Variants in DYNC1I1 observed in about 807,000 individuals in gnomAD.
DYNC1I1 encodes the protein dynein cytoplasmic 1 intermediate chain 1, also known as cytoplasmic dynein 1 intermediate chain 1.
Under a neutral mutation model 86.6 loss-of-function variants are expected in DYNC1I1, and 43 were observed. That is an observed-to-expected ratio of 0.50 (90% CI 0.39 to 0.64). The LOEUF (loss-of-function observed/expected upper bound fraction) is 0.64, where lower values mean the gene tolerates loss of function less well. Ranked by LOEUF, DYNC1I1 falls within the 30% of genes least tolerant of loss-of-function variation. The pLI is 0.00. For missense variants in DYNC1I1, 604 were observed against 788.8 expected (o/e 0.77, Z 2.81); for synonymous variants, 262 against 283.7 (o/e 0.92, Z 0.77).
In DYNC1I1 at chr7:95,861,617, ATT is replaced by A. The variant is rs10717478; in HGVS notation, c.375-8255_375-8254del. ...GAAGTAGTACAGCTCTCTTTTTGCA[ATT>A]TTTTTTTTTTACTTTTCTTAAATAT... is the stretch of plus-strand genomic sequence containing the variant. On this transcript the variant is annotated intron_variant, in intron 5 of 16. Transcript: ENST00000447467. Among the ~76,000 whole-genome samples the A allele has an allele frequency of 5.5e-3, 823 of 150,598 alleles. 2 individuals carry two copies. Among genetic ancestry groups the A allele is most frequent in the African/African-American group, 0.014 (560 of 41,044 alleles).
intron 6 of DYNC1I1, among the ~76,000 whole-genome samples, chr7:95,872,329 G>A (rs1790194935): frequency 6.6e-6 from 1 of 152,146 alleles, no homozygotes; most frequent in Admixed American, 6.5e-5. Context: ...ATCCACTTTG[G>A]CTTGCTGTTG....
Position 95,813,309 on chromosome 7 carries a change from G to C in DYNC1I1, c.286G>C (p.Asp96His). ...CACTCCCAGTGAAGCTGGAAGCCAA[G>C]ACTCAGGCGATCTGGGGCCATTAAC... is the stretch of plus-strand genomic sequence containing the variant. The part of the protein sequence containing the change: ...VSTPSEAGSQ[D>H]SGDLGPLTRT... Residue 96 changes from aspartate to histidine, a missense_variant, in exon 4 of 17, where the codon GAC becomes CAC. Coordinates refer to ENST00000447467, the MANE Select transcript of DYNC1I1 (RefSeq NM_001135556.2). The C allele has an allele frequency of 6.2e-7, 1 of 1,611,368 alleles. No homozygotes were observed. Among genetic ancestry groups the C allele is most frequent in the Non-Finnish European group, 8.5e-7 (1 of 1,179,256 alleles).
intron 6 of DYNC1I1, among the ~76,000 whole-genome samples, chr7:95,915,380 A>C (rs1791443512): frequency 1.3e-5 from 2 of 152,252 alleles, no homozygotes. Flanking sequence ...TTGAACTTAC[A>C]TCTATCTCCA....
chr7:96,028,278 G>A lies in DYNC1I1; in HGVS notation c.1073G>A (p.Arg358Lys). 1.2e-6 allele frequency: 2 copies of A among 1,613,792 alleles called. No homozygotes were observed. Among genetic ancestry groups the A allele is most frequent in the East Asian group, 2.2e-5 (1 of 44,866 alleles). Residue 358 changes from arginine (R) to lysine (K), a missense_variant, in exon 11 of 17, where the codon AGG (arginine) becomes AAG (lysine). Coordinates refer to ENST00000447467, the MANE Select transcript of DYNC1I1 (RefSeq NM_001135556.2). ...CTCTGGGACAATCGCAGTCATCGAA[G>A]GACTCCAGTGCAGCGGACACCCTTA... Reference protein sequence around the residue: ...IVLWDNRSHRRTPVQRTPLSA... With the variant: ...IVLWDNRSHRKTPVQRTPLSA...
At chr7:95,906,688 G>A (rs1791186645) in intron 6 of DYNC1I1, among the ~76,000 whole-genome samples, 1 of 151,942 alleles carries the variant, frequency 6.6e-6, no homozygotes, top group South Asian at 2.1e-4. Context: ...ACTGGGGTGG[G>A]AGAATTTGTC....
chr7:95,957,318 T>C (rs939568355), intron 6 of DYNC1I1, among the ~76,000 whole-genome samples: 1 of 152,164 alleles, frequency 6.6e-6, no homozygotes, highest in African/African-American at 2.4e-5. Flanking sequence ...ATTTGGAAAG[T>C]GAATTTCAGA....
At chr7:96,002,356 A>G (rs556590005) in intron 10 of DYNC1I1, among the ~76,000 whole-genome samples, 5 of 152,304 alleles carry the variant, frequency 3.3e-5, no homozygotes, top group South Asian at 2.1e-4. Context: ...TTTGTTTTCT[A>G]ACTAAATGAT....
Position 95,835,183 on chromosome 7 carries a change from G to C in DYNC1I1, c.374+7067G>C, listed in dbSNP as rs189747410. On this transcript the variant is annotated intron_variant, in intron 5 of 16. Coordinates refer to ENST00000447467, the MANE Select transcript of DYNC1I1 (RefSeq NM_001135556.2). ...TCTGGTATGTTGTGTCTTTGTTCTC[G>C]TTGGTTTCAAAGAACATCTTTATTT... 3.2e-5 allele frequency among the ~76,000 whole-genome samples: 3 copies of C among 93,752 alleles called. No individual in the cohort carries two copies. The Admixed American group carries it at 3.5e-4, about 11-fold the overall frequency. The allele number at this position is 93,752 out of a possible 152,430, so 61.5% of individuals were successfully genotyped here. A position where few individuals can be genotyped will look rare whatever the true frequency, so the allele number is the denominator to read the frequency against.
chr7:96,002,500 G>A (rs918434798), intron 10 of DYNC1I1, among the ~76,000 whole-genome samples: 4 of 152,140 alleles, frequency 2.6e-5, no homozygotes, highest in African/African-American at 9.7e-5. Context: ...CAAGTCAAAT[G>A]GTTGTTATGA....
chr7:95,912,741 C>T (rs977962549), intron 6 of DYNC1I1, among the ~76,000 whole-genome samples: 24 of 152,186 alleles, frequency 1.6e-4, no homozygotes, highest in African/African-American at 5.8e-4. Flanking sequence ...TCTAGAGTCT[C>T]ATTAGCACCA....
At chr7:95,870,837 AT>A (rs1278054125) in intron 6 of DYNC1I1, among the ~76,000 whole-genome samples, 1 of 152,234 alleles carries the variant, frequency 6.6e-6, no homozygotes. Flanking sequence ...AGGGAGATGT[AT>A]TTTGAAAATA....
At chr7:95,882,121 C>T (rs1277855905) in intron 6 of DYNC1I1, among the ~76,000 whole-genome samples, 1 of 152,074 alleles carries the variant, frequency 6.6e-6, no homozygotes, top group East Asian at 1.9e-4. Context: ...CTGGAGCAAC[C>T]ATTTTCTTTT....
chr7:95,986,512 C>G (rs1309989338), intron 8 of DYNC1I1, among the ~76,000 whole-genome samples: 2 of 152,154 alleles, frequency 1.3e-5, no homozygotes, highest in African/African-American at 4.8e-5. Context: ...TGGAACATAT[C>G]TGGTGAATCC....
At chr7:96,004,311 C>A (rs1794088185) in intron 10 of DYNC1I1, among the ~76,000 whole-genome samples, 1 of 152,120 alleles carries the variant, frequency 6.6e-6, no homozygotes, top group African/African-American at 2.4e-5. Context: ...ACTCTAATCT[C>A]CTTGAAAATA....
At chr7:95,852,720 G>A (rs1440161633) in intron 5 of DYNC1I1, among the ~76,000 whole-genome samples, 1 of 152,026 alleles carries the variant, frequency 6.6e-6, no homozygotes, top group Admixed American at 6.5e-5. Context: ...TTGGCCAGGT[G>A]GTCTTGAACT....
intron 6 of DYNC1I1, among the ~76,000 whole-genome samples, chr7:95,923,952 G>T (rs186344205): frequency 6.6e-6 from 1 of 152,086 alleles, no homozygotes; most frequent in Non-Finnish European, 1.5e-5. Flanking sequence ...GAAGAATTTT[G>T]TATGTTCTTC....
intron 5 of DYNC1I1, among the ~76,000 whole-genome samples, chr7:95,859,622 GCCTGCCACTGAGAGCTGTCTGGAATCT>G (rs939304620): frequency 5.3e-5 from 8 of 152,322 alleles, no homozygotes; most frequent in Middle Eastern, 3.4e-3. Flanking sequence ...GCTGAAGCCT[GCCTGCCACTGAGAGCTGTCTGGAATCT>G]CCTGCCACTG....
chr7:96,016,416 A>G (rs1794404196), intron 10 of DYNC1I1, among the ~76,000 whole-genome samples: 1 of 150,662 alleles, frequency 6.6e-6, no homozygotes, highest in African/African-American at 2.4e-5. Flanking sequence ...ATGTAGATTT[A>G]TTTTACCAGC....
At chr7:95,823,676 C>G (rs1327105268) in intron 4 of DYNC1I1, among the ~76,000 whole-genome samples, 2 of 152,006 alleles carry the variant, frequency 1.3e-5, no homozygotes, top group South Asian at 2.1e-4. Context: ...AAAGATACTG[C>G]TGGACATCTG....
Sources: gnomAD v4.1 joint callset for allele counts (sites outside exome capture counted in the v4.1 genomes callset) on GRCh38, gnomAD v4.1.1 for gene constraint, MANE v1.5 for transcripts, NCBI Gene and HGNC (gene_info 2026-07-23, HGNC 2026-07-21) for gene names.